Variants in EPHB1 observed in about 807,000 individuals in gnomAD.
EPHB1 encodes the protein EPH receptor B1.
EPHB1 carries 30 observed loss-of-function variants against 94.4 expected under a neutral mutation model. The ratio of observed to expected loss-of-function variants is 0.32; its 90% confidence interval spans 0.24 to 0.43. EPHB1 has a LOEUF of 0.43. Ranked by LOEUF, EPHB1 falls within the 20% of genes least tolerant of loss-of-function variation. The pLI is 1.00. For missense variants in EPHB1, 1,055 were observed against 1,308.3 expected, an observed-to-expected ratio of 0.81 and a Z score of 2.99; for synonymous variants, 522 against 489.1, an observed-to-expected ratio of 1.07 and a Z score of -0.89.
At chr3:134,834,864 A>G (rs2036643843) in intron 1 of EPHB1, among the ~76,000 whole-genome samples, 1 of 152,236 alleles carries the variant, frequency 6.6e-6, no homozygotes, top group Non-Finnish European at 1.5e-5. Context: ...TTTCAGTGTC[A>G]GACCTTGACA....
chr3:134,865,029 G>C (rs1478084906), intron 1 of EPHB1, among the ~76,000 whole-genome samples: 2 of 152,020 alleles, frequency 1.3e-5, no homozygotes, highest in African/African-American at 4.8e-5. Context: ...TCTAAGGCTG[G>C]TTTTCAAAAA....
intron 1 of EPHB1, among the ~76,000 whole-genome samples, chr3:134,883,987 T>A (rs907450257): frequency 2.0e-5 from 3 of 152,216 alleles, no homozygotes; most frequent in Non-Finnish European, 4.4e-5. Context: ...GCAGCCACCA[T>A]GAATTTAAAT....
chr3:134,922,985 A>G (rs2038718498), intron 1 of EPHB1, among the ~76,000 whole-genome samples: 1 of 152,172 alleles, frequency 6.6e-6, no homozygotes, highest in South Asian at 2.1e-4. Flanking sequence ...ACAGAGCCTC[A>G]TGGAGTGTCT....
At chr3:134,864,463 C>A (rs1007225671) in intron 1 of EPHB1, among the ~76,000 whole-genome samples, 1 of 152,212 alleles carries the variant, frequency 6.6e-6, no homozygotes, top group Non-Finnish European at 1.5e-5. Context: ...CTTTTCTAAA[C>A]CTTGTCTCAG....
rs9827517 is a variant in EPHB1 at position 135,185,856 on chromosome 3, G to A, written c.1882+5874G>A. Among the ~76,000 whole-genome samples, 556 of 152,274 alleles carry A rather than the reference G, an allele frequency of 3.7e-3. 2 individuals are homozygous for A. The highest frequency in any genetic ancestry group is 6.0e-3 in the Non-Finnish European group (407 of 68,030). On this transcript the variant is annotated intron_variant, in intron 10 of 15. Transcript: ENST00000398015. Reference sequence around the variant, plus strand: ...TAGCAGTTTTGAATACTCAAGCCTCGTTGTTGGGAATTATGATACCATCCT... The same window carrying A: ...TAGCAGTTTTGAATACTCAAGCCTCATTGTTGGGAATTATGATACCATCCT...
intron 3 of EPHB1, among the ~76,000 whole-genome samples, chr3:135,066,628 A>T (rs1937583881): frequency 6.6e-6 from 1 of 151,922 alleles, no homozygotes; most frequent in African/African-American, 2.4e-5. Flanking sequence ...ATTTCCTTGC[A>T]CTGGGCCTCG....
chr3:135,158,775 A>C (rs2107696910), intron 6 of EPHB1, among the ~76,000 whole-genome samples: 1 of 152,052 alleles, frequency 6.6e-6, no homozygotes, highest in Non-Finnish European at 1.5e-5. Flanking sequence ...TCCTGGTGTC[A>C]GCGCTTGTAG....
chr3:135,246,525 C>G (rs1214053870), intron 13 of EPHB1, among the ~76,000 whole-genome samples: 8 of 152,184 alleles, frequency 5.3e-5, no homozygotes, highest in African/African-American at 7.2e-5. Flanking sequence ...GGAAATACGG[C>G]TTTTGAAGTA....
intron 2 of EPHB1, among the ~76,000 whole-genome samples, chr3:134,942,961 G>A (rs985667696): frequency 1.3e-5 from 2 of 152,174 alleles, no homozygotes; most frequent in African/African-American, 4.8e-5. Flanking sequence ...ATGCTAAATT[G>A]CGTGGAATAA....
intron 12 of EPHB1, among the ~76,000 whole-genome samples, chr3:135,210,883 G>A (rs1943016265): frequency 6.6e-6 from 1 of 152,146 alleles, no homozygotes; most frequent in South Asian, 2.1e-4. Flanking sequence ...GCCCAGCAAA[G>A]GATTCTCTGT....
chr3:135,107,097 C>T (rs984247201), intron 4 of EPHB1, among the ~76,000 whole-genome samples: 3 of 152,160 alleles, frequency 2.0e-5, no homozygotes, highest in African/African-American at 7.2e-5. Context: ...TGTGCCAGGA[C>T]CATATATTCA....
At chr3:134,800,300 T>C (rs2035912260) in intron 1 of EPHB1, among the ~76,000 whole-genome samples, 1 of 152,240 alleles carries the variant, frequency 6.6e-6, no homozygotes, top group African/African-American at 2.4e-5. Context: ...AGTAAGATGC[T>C]ATTAAAATCA....
intron 4 of EPHB1, among the ~76,000 whole-genome samples, chr3:135,129,935 A>G (rs182134032): frequency 2.6e-5 from 4 of 152,278 alleles, no homozygotes; most frequent in Admixed American, 2.6e-4. Context: ...TGAGGGGTGA[A>G]GGTCAACTGC....
chr3:134,975,750 G>C (rs749766310), intron 3 of EPHB1, among the ~76,000 whole-genome samples: 1 of 146,342 alleles, frequency 6.8e-6, no homozygotes, highest in African/African-American at 2.6e-5. Context: ...CTATTCGTAA[G>C]GATAGAATAA....
chr3:135,027,275 G>C (rs1355302357), intron 3 of EPHB1, among the ~76,000 whole-genome samples: 1 of 151,754 alleles, frequency 6.6e-6, no homozygotes, highest in Non-Finnish European at 1.5e-5. Context: ...GTGAGAGAGG[G>C]CATCCCTGTC....
intron 1 of EPHB1, among the ~76,000 whole-genome samples, chr3:134,868,431 C>G (rs1388274198): frequency 6.6e-6 from 1 of 152,132 alleles, no homozygotes; most frequent in African/African-American, 2.4e-5. Context: ...ATGAAGGTTA[C>G]AAGGAATACA....
At chr3:135,177,283 G>A (rs149881162) in intron 9 of EPHB1, among the ~76,000 whole-genome samples, 57 of 152,290 alleles carry the variant, frequency 3.7e-4, no homozygotes, top group African/African-American at 1.2e-3. Flanking sequence ...TCTCACCACA[G>A]CACAGAATTT....
At chr3:134,882,555 A>G (rs1271841349) in intron 1 of EPHB1, among the ~76,000 whole-genome samples, 1 of 152,250 alleles carries the variant, frequency 6.6e-6, no homozygotes, top group Non-Finnish European at 1.5e-5. Flanking sequence ...CCAGATGGCC[A>G]TAACACTGTT....
intron 3 of EPHB1, among the ~76,000 whole-genome samples, chr3:135,034,645 C>A (rs1308957616): frequency 6.6e-6 from 1 of 152,254 alleles, no homozygotes; most frequent in Non-Finnish European, 1.5e-5. Flanking sequence ...CAAGTCACAG[C>A]CGCAGGGACT....
Sources: allele counts gnomAD v4.1 joint callset (sites outside exome capture counted in the v4.1 genomes callset), GRCh38; gene constraint gnomAD v4.1.1; transcripts MANE v1.5; gene names NCBI Gene and HGNC (gene_info 2026-07-23, HGNC 2026-07-21).